The following BFSP2 variants were observed in gnomAD, a reference collection of about 807,000 sequenced individuals.
BFSP2 encodes the protein beaded filament structural protein 2.
BFSP2 carries 38 observed loss-of-function variants against 44.9 expected under a neutral mutation model. The ratio of observed to expected loss-of-function variants is 0.85; its 90% CI spans 0.65 to 1.11. The LOEUF (loss-of-function observed/expected upper bound fraction) is 1.11. Among genes scored for constraint, BFSP2 ranks in the 50% least tolerant of loss-of-function variants. The probability of loss-of-function intolerance (pLI) is 0.00; values close to 1 mark genes in which losing one functional copy is unlikely to be tolerated. For missense variants in BFSP2, 525 were observed against 533.0 expected (o/e 0.99, Z 0.15); for synonymous variants, 197 against 209.9 (o/e 0.94, Z 0.53).
chr3:133,430,391 A>G lies in BFSP2; in HGVS notation c.490-16926A>G, dbSNP rs577908064. Among the ~76,000 whole-genome samples the G allele has an allele frequency of 4.3e-3, 652 of 151,336 alleles. 3 individuals carry two copies. Among genetic ancestry groups the G allele is most frequent in the African/African-American group, 0.015 (619 of 41,178 alleles). On this transcript the variant is annotated intron_variant, in intron 1 of 6. Transcript: ENST00000302334. ...CCACCAACAGTGTAAAAGTGTTCCT[A>G]TTTCTCCACATCCTCTCCAGCACCT...
chr3:133,466,677 CAAAAA>C lies in BFSP2; in HGVS notation c.892-135_892-131del, dbSNP rs59331608. Reference sequence around the variant, plus strand: ...GCTACAGAGCGAGACTTCATCTCAACAAAAAAAAAAAAAAAAAAAAGATGTTTCCA... The same window carrying C: ...GCTACAGAGCGAGACTTCATCTCAACAAAAAAAAAAAAAAAGATGTTTCCA... On this transcript the variant is annotated intron_variant, in intron 4 of 6. Transcript: ENST00000302334. 70 of 259,178 alleles carry C rather than the reference CAAAAA, an allele frequency of 2.7e-4. 1 individual carries two copies. The highest frequency in any genetic ancestry group is 1.4e-3 in the Middle Eastern group (1 of 698). The allele number at this position is 259,178 out of a possible 1,614,324, so 16.1% of individuals were successfully genotyped here.
At chr3:133,447,549 C>T in intron 2 of BFSP2, 150 bp downstream of exon 2, 1 of 833,378 alleles carries the variant, frequency 1.2e-6, no homozygotes, top group African/African-American at 1.7e-5. Flanking sequence ...AGCTCACACC[C>T]CTCCTTGTAA....
At chr3:133,451,203 A>C (rs563801517) in intron 4 of BFSP2, among the ~76,000 whole-genome samples, 11 of 152,158 alleles carry the variant, frequency 7.2e-5, no homozygotes, top group Non-Finnish European at 1.2e-4. Context: ...AAAAACATAC[A>C]CATTTACTAG....
In BFSP2 at chr3:133,475,078, C is replaced by CTGGTTAATTCAGCT; in HGVS notation, c.*109_*122dup. The CTGGTTAATTCAGCT allele has an allele frequency of 6.7e-7, 1 of 1,491,734 alleles. No individual in the cohort carries two copies. The highest frequency in any genetic ancestry group is 9.3e-7 in the Non-Finnish European group (1 of 1,069,664). 92.4% of individuals were successfully genotyped at this position (1,491,734 alleles called of 1,614,324 possible). ...TGAGCTCCAGTCCCTGCTGGATTCCCTGGTTAATTCAGCTTGAGCTGAAAA... is the reference window on the plus strand; with the variant it reads ...TGAGCTCCAGTCCCTGCTGGATTCCCTGGTTAATTCAGCTTGGTTAATTCAGCTTGAGCTGAAAA... On this transcript the variant is annotated 3_prime_UTR_variant, in exon 7 of 7. Transcript: ENST00000302334.
chr3:133,474,698 A>G (rs1043777147), intron 6 of BFSP2, among the ~76,000 whole-genome samples: 13 of 152,104 alleles, frequency 8.5e-5, no homozygotes, highest in African/African-American at 2.9e-4. Flanking sequence ...GGCAGACCTG[A>G]CTCTTGATTA....
At chr3:133,410,500 A>T (rs544980263) in intron 1 of BFSP2, 1 of 279,596 alleles carries the variant, frequency 3.6e-6, no homozygotes, top group South Asian at 4.6e-5. Flanking sequence ...TCTCATGGGA[A>T]TGATCAGCAT....
At chr3:133,455,986 A>G (rs941611836) in intron 4 of BFSP2, among the ~76,000 whole-genome samples, 1 of 152,188 alleles carries the variant, frequency 6.6e-6, no homozygotes, top group African/African-American at 2.4e-5. Context: ...TTTCATTCCC[A>G]GAGGCCTCAT....
At chr3:133,434,803 G>A (rs1001289878) in intron 1 of BFSP2, among the ~76,000 whole-genome samples, 6 of 152,050 alleles carry the variant, frequency 3.9e-5, no homozygotes, top group Non-Finnish European at 7.4e-5. Flanking sequence ...GCCCACCAGA[G>A]AACAAACCCC....
At chr3:133,424,578 T>C (rs905628929) in intron 1 of BFSP2, among the ~76,000 whole-genome samples, 1 of 152,170 alleles carries the variant, frequency 6.6e-6, no homozygotes, top group Admixed American at 6.5e-5. Flanking sequence ...TCATTCCACC[T>C]GCCATCATGG....
intron 1 of BFSP2, among the ~76,000 whole-genome samples, chr3:133,436,132 G>A (rs1238106811): frequency 6.6e-6 from 1 of 151,930 alleles, no homozygotes; most frequent in African/African-American, 2.4e-5. Flanking sequence ...TGGAGGCCGA[G>A]GCAGGTGGAT....
chr3:133,444,960 A>T (rs74577810), intron 1 of BFSP2, among the ~76,000 whole-genome samples: 2 of 152,054 alleles, frequency 1.3e-5, no homozygotes, highest in African/African-American at 4.8e-5. Context: ...GCTTCCCAGT[A>T]AATCTCAACT....
chr3:133,473,374 C>A (rs2074184635), intron 6 of BFSP2, among the ~76,000 whole-genome samples: 1 of 148,880 alleles, frequency 6.7e-6, no homozygotes, highest in Admixed American at 6.8e-5. Context: ...TTACCATATG[C>A]CAGCCACAGA....
In BFSP2 at chr3:133,400,847, G is replaced by A. The variant is rs993289386; in HGVS notation, c.489+275G>A. Among the ~76,000 whole-genome samples, 6 of 152,212 alleles carry A rather than the reference G, an allele frequency of 3.9e-5. No individual in the cohort carries two copies. The highest frequency in any genetic ancestry group is 7.3e-5 in the Non-Finnish European group (5 of 68,046). On this transcript the variant is annotated intron_variant, in intron 1 of 6. Transcript: ENST00000302334. The surrounding 1 kb of genome is among the most constrained non-coding windows in gnomAD (Gnocchi z 4.0). Reference sequence around the variant, plus strand: ...TTCACTGATTGCATTTTTCAGATGAGAAACTGAGGCATGTAATTTGCCCAA... The same window carrying A: ...TTCACTGATTGCATTTTTCAGATGAAAAACTGAGGCATGTAATTTGCCCAA...
chr3:133,470,657 A>G (rs1287734453), intron 5 of BFSP2, among the ~76,000 whole-genome samples: 1 of 150,838 alleles, frequency 6.6e-6, no homozygotes, highest in Non-Finnish European at 1.5e-5. Context: ...TAACCATAAT[A>G]CAAGTGCTAT....
At chr3:133,414,754 A>C (rs1482952395) in intron 1 of BFSP2, among the ~76,000 whole-genome samples, 11 of 33,454 alleles carry the variant, frequency 3.3e-4, no homozygotes, top group Non-Finnish European at 3.9e-4. Flanking sequence ...CCCTCTACTC[A>C]CCCCTATTCT....
At chr3:133,440,517 C>T (rs1003355364) in intron 1 of BFSP2, among the ~76,000 whole-genome samples, 1 of 152,092 alleles carries the variant, frequency 6.6e-6, no homozygotes, top group Admixed American at 6.5e-5. Flanking sequence ...AGGGTTTAAA[C>T]CCTATATATG....
chr3:133,400,653 C>T lies in BFSP2; in HGVS notation c.489+81C>T. On this transcript the variant is annotated intron_variant, in intron 1 of 6. Coordinates refer to ENST00000302334, the MANE Select transcript of BFSP2 (RefSeq NM_003571.4). This position sits in a 1 kb window ranked among gnomAD's most constrained non-coding sequence, Gnocchi z 4.0. Reference sequence around the variant, plus strand: ...GGCAGCGGGTAGGGTTGTGAGTAGGCTGAGGCCAGAGAAACTGACCATAAT... The same window carrying T: ...GGCAGCGGGTAGGGTTGTGAGTAGGTTGAGGCCAGAGAAACTGACCATAAT... 1 of 1,539,382 alleles carries T rather than the reference C, an allele frequency of 6.5e-7. No homozygotes were observed. The highest frequency in any genetic ancestry group is 8.8e-7 in the Non-Finnish European group (1 of 1,140,238).
chr3:133,407,458 A>G (rs2073414153), intron 1 of BFSP2, among the ~76,000 whole-genome samples: 1 of 152,214 alleles, frequency 6.6e-6, no homozygotes. Flanking sequence ...TTAATGTATC[A>G]ATTTAATGCA....
At chr3:133,404,496 G>A (rs2073387452) in intron 1 of BFSP2, among the ~76,000 whole-genome samples, 2 of 152,146 alleles carry the variant, frequency 1.3e-5, no homozygotes, top group African/African-American at 4.8e-5. Context: ...AGCAGGACAT[G>A]GTACATCGGT....
Sources: allele counts gnomAD v4.1 joint callset (sites outside exome capture counted in the v4.1 genomes callset), GRCh38; gene constraint gnomAD v4.1.1; non-coding constraint Gnocchi (gnomAD v3.1); transcripts MANE v1.5; gene names NCBI Gene and HGNC (gene_info 2026-07-23, HGNC 2026-07-21).